Variants in MTMR7 observed in about 807,000 individuals in gnomAD.
MTMR7 encodes phosphatidylinositol-3-phosphate phosphatase MTMR7.
In MTMR7, 76 loss-of-function variants were observed where a neutral mutation model predicts 81.2. The ratio of observed to expected loss-of-function variants is 0.94; its 90% CI spans 0.78 to 1.13. The LOEUF is 1.13. Ranked by LOEUF, MTMR7 falls within the 50% of genes most tolerant of loss-of-function variation. MTMR7 has a pLI of 0.00. For synonymous variants in MTMR7, 372 were observed against 289.8 expected (o/e 1.28, Z -2.88); for missense variants, 1,044 against 820.0 (o/e 1.27, Z -3.34).
chr8:17,343,131 A>C (rs2150543938), intron 5 of MTMR7, among the ~76,000 whole-genome samples: 1 of 152,320 alleles, frequency 6.6e-6, no homozygotes, highest in Non-Finnish European at 1.5e-5. Flanking sequence ...ATCCGGGTTA[A>C]AGAAATATTA....
chr8:17,359,529 T>A (rs1284006533), intron 4 of MTMR7, among the ~76,000 whole-genome samples: 1 of 148,610 alleles, frequency 6.7e-6, no homozygotes, highest in Non-Finnish European at 1.5e-5. Context: ...GAGACTGCAG[T>A]GAGCTATACT....
chr8:17,304,811 T>C (rs971702913), intron 11 of MTMR7, among the ~76,000 whole-genome samples: 5 of 149,396 alleles, frequency 3.3e-5, no homozygotes, highest in South Asian at 4.2e-4. Context: ...CAAATAGTCA[T>C]TGGACATTTA....
intron 5 of MTMR7, 59 bp from the exon 6 acceptor site, chr8:17,341,556 C>T: frequency 3.8e-6 from 6 of 1,583,404 alleles, no homozygotes; most frequent in Non-Finnish European, 5.2e-6. Flanking sequence ...ATGAGAGACA[C>T]TCTACGTGTG....
At chr8:17,302,840 G>C (rs1057362138) in intron 12 of MTMR7, among the ~76,000 whole-genome samples, 2 of 150,544 alleles carry the variant, frequency 1.3e-5, no homozygotes, top group African/African-American at 4.9e-5. Flanking sequence ...AGCCTCCCAA[G>C]TACCTGGGAT....
At chr8:17,388,351 A>G (rs73666133) in intron 1 of MTMR7, among the ~76,000 whole-genome samples, 10,631 of 152,266 alleles carry the variant, frequency 0.07, 1,029 homozygotes, top group African/African-American at 0.22. Flanking sequence ...AAATAAATTC[A>G]GGACAGATGC....
chr8:17,313,088 C>T (rs2150490371), intron 8 of MTMR7, among the ~76,000 whole-genome samples: 1 of 152,344 alleles, frequency 6.6e-6, no homozygotes, highest in Non-Finnish European at 1.5e-5. Context: ...CATTTGATCA[C>T]AGTGCTGACA....
At chr8:17,347,976 G>T (rs1244075544) in intron 5 of MTMR7, among the ~76,000 whole-genome samples, 1 of 152,282 alleles carries the variant, frequency 6.6e-6, no homozygotes, top group Non-Finnish European at 1.5e-5. Flanking sequence ...CCAAATCCAG[G>T]TGGTGGTAGA....
At chr8:17,392,230 C>T (rs1026324248) in intron 1 of MTMR7, among the ~76,000 whole-genome samples, 2 of 152,090 alleles carry the variant, frequency 1.3e-5, no homozygotes, top group Admixed American at 6.5e-5. Flanking sequence ...ACAAGCATTC[C>T]AAATGCTGTT....
At chr8:17,325,243 T>C (rs1386966543) in intron 7 of MTMR7, among the ~76,000 whole-genome samples, 3 of 152,080 alleles carry the variant, frequency 2.0e-5, no homozygotes, top group African/African-American at 7.2e-5. Context: ...GCAGGGAGAC[T>C]AGAGCAGGCA....
In MTMR7 at chr8:17,363,732, G is replaced by T. The variant is rs534130585; in HGVS notation, c.311-2458C>A. ...ATATGGGCAAGCTTCTTACCCACAG[G>T]CAAGCCCAGATACAGCCTGCAGACT... is the stretch of plus-strand genomic sequence containing the variant. On this transcript the variant is annotated intron_variant, in intron 3 of 13. Coordinates refer to ENST00000180173, the MANE Select transcript of MTMR7 (RefSeq NM_004686.5). Among the ~76,000 whole-genome samples the T allele has an allele frequency of 1.6e-4, 25 of 152,124 alleles. No individual in the cohort carries two copies. In the East Asian group the frequency reaches 4.1e-3, roughly 25 times the overall value.
chr8:17,371,215 A>G lies in MTMR7; in HGVS notation c.148-16T>C, dbSNP rs976133141. 1.4e-5 allele frequency: 23 copies of G among 1,613,144 alleles called. No individual in the cohort carries two copies. Among genetic ancestry groups the G allele is most frequent in the Non-Finnish European group, 2.0e-5 (23 of 1,179,470 alleles). ...TGTGAAGAATCTAGAACCAAATGTT[A>G]ATGTGCATAAGCTAAGCACAAATAA... On this transcript the variant is annotated splice_polypyrimidine_tract_variant and intron_variant, in intron 2 of 13. Coordinates refer to ENST00000180173, the MANE Select transcript of MTMR7 (RefSeq NM_004686.5).
At chr8:17,348,571 T>C (rs79098683) in intron 5 of MTMR7, among the ~76,000 whole-genome samples, 12 of 115,394 alleles carry the variant, frequency 1.0e-4, no homozygotes, top group African/African-American at 3.1e-4. Flanking sequence ...AAAAAAAACG[T>C]AATAGAGAAA....
At chr8:17,391,942 A>G (rs1821121718) in intron 1 of MTMR7, among the ~76,000 whole-genome samples, 1 of 152,192 alleles carries the variant, frequency 6.6e-6, no homozygotes, top group African/African-American at 2.4e-5. Flanking sequence ...AGAGGCTTCA[A>G]CTAGCTGTCC....
rs1198028842 is a variant in MTMR7, at chr8:17,315,702, T to C, written c.866-2301A>G. Among the ~76,000 whole-genome samples the C allele has an allele frequency of 5.9e-5, 9 of 152,060 alleles. No homozygotes were observed. The South Asian group carries it at 8.3e-4, about 14-fold the overall frequency. ...TGGCCACAACTGCTCCAGATGTCTC[T>C]TAAGAAAAAAAAACAAAACAGAAAA... On this transcript the variant is annotated intron_variant, in intron 7 of 13. Coordinates refer to ENST00000180173, the MANE Select transcript of MTMR7 (RefSeq NM_004686.5).
At chr8:17,339,761 C>T (rs1434082643) in intron 6 of MTMR7, among the ~76,000 whole-genome samples, 3 of 152,024 alleles carry the variant, frequency 2.0e-5, no homozygotes, top group South Asian at 2.1e-4. Flanking sequence ...GGTTATATAC[C>T]TAGGAAGGAA....
intron 1 of MTMR7, 81 bp downstream of exon 1, chr8:17,413,187 CG>C (rs1821784077): frequency 2.7e-6 from 4 of 1,475,640 alleles, no homozygotes; most frequent in East Asian, 2.5e-5. Context: ...TCAAAGCAGT[CG>C]GCCTCCCGCG....
rs1313738351 is a variant in MTMR7 at position 17,361,020 on chromosome 8, G to A, written c.468+97C>T. ...AAATCCACATATGGATATCTACAAA[G>A]AGCTATAAAACCTGAAGGAGATAAA... On this transcript the variant is annotated intron_variant, in intron 4 of 13. Transcript: ENST00000180173. The A allele has an allele frequency of 1.4e-5, 18 of 1,329,460 alleles. No homozygotes were observed. The East Asian group carries it at 3.7e-4, about 27-fold the overall frequency. The allele number at this position is 1,329,460 out of a possible 1,614,324, so 82.4% of individuals were successfully genotyped here.
At chr8:17,369,777 C>G (rs940705586) in intron 3 of MTMR7, among the ~76,000 whole-genome samples, 2 of 151,306 alleles carry the variant, frequency 1.3e-5, no homozygotes, top group African/African-American at 2.4e-5. Context: ...TCCCAAGTAG[C>G]TGGGACTACA....
At chr8:17,313,255 A>G in intron 8 of MTMR7, 37 bp downstream of exon 8, 1 of 1,498,426 alleles carries the variant, frequency 6.7e-7, no homozygotes, top group Non-Finnish European at 9.3e-7. Flanking sequence ...TGGTTTGCTC[A>G]TCTGTCCCTT....
Sources: allele counts gnomAD v4.1 joint callset (sites outside exome capture counted in the v4.1 genomes callset), GRCh38; gene constraint gnomAD v4.1.1; transcripts MANE v1.5; gene names NCBI Gene and HGNC (gene_info 2026-07-23, HGNC 2026-07-21).